EIF3I: variants seen among roughly 807,000 people sequenced by gnomAD.
EIF3I encodes the protein TGF-beta receptor-interacting protein 1.
EIF3I carries 20 observed loss-of-function variants against 43.3 expected under a neutral mutation model. The observed-to-expected ratio is 0.46, with a 90% confidence interval of 0.32 to 0.67. The LOEUF (loss-of-function observed/expected upper bound fraction) is 0.67. EIF3I is among the 30% of genes least tolerant of loss of function. The pLI, the probability that EIF3I is intolerant of heterozygous loss-of-function variation, is 0.03. For missense variants in EIF3I, 279 were observed against 421.4 expected (o/e 0.66, Z 2.96); for synonymous variants, 167 against 151.7 (o/e 1.10, Z -0.74).
At chr1:32,225,743 C>T (rs1639132956) in intron 4 of EIF3I, among the ~76,000 whole-genome samples, 1 of 151,400 alleles carries the variant, frequency 6.6e-6, no homozygotes, top group Non-Finnish European at 1.5e-5. Flanking sequence ...AAAAAAAAGG[C>T]CGGGCGCGGT....
intron 10 of EIF3I, 106 bp from the exon 10 acceptor site, chr1:32,230,821 C>A: frequency 1.2e-6 from 1 of 846,236 alleles, no homozygotes; most frequent in Non-Finnish European, 1.9e-6. Context: ...AAGACTCCAT[C>A]TCAAAATAAA....
At chr1:32,232,991 C>T (rs912858843), downstream of EIF3I, among the ~76,000 whole-genome samples, 17 of 152,004 alleles carry the variant, frequency 1.1e-4, no homozygotes, top group East Asian at 5.8e-4. Context: ...CTTTTATTTA[C>T]TTATTTATTT....
downstream of EIF3I, among the ~76,000 whole-genome samples, chr1:32,233,192 A>T (rs189161216): frequency 7.9e-5 from 12 of 151,744 alleles, no homozygotes; most frequent in Admixed American, 2.6e-4. Flanking sequence ...TCTTGCTCTG[A>T]CACCTAGGCT....
At chr1:32,225,742 G>C (rs1639132932) in intron 4 of EIF3I, among the ~76,000 whole-genome samples, 1 of 151,680 alleles carries the variant, frequency 6.6e-6, no homozygotes, top group African/African-American at 2.4e-5. Flanking sequence ...AAAAAAAAAG[G>C]CCGGGCGCGG....
At chr1:32,229,042 C>A in intron 8 of EIF3I, 93 bp from the exon 9 acceptor site, 1 of 1,349,580 alleles carries the variant, frequency 7.4e-7, no homozygotes, top group Non-Finnish European at 1.0e-6. Context: ...CCCATTGAGC[C>A]GTGTGAGATG....
At chr1:32,232,771 G>A (rs1439366844), downstream of EIF3I, among the ~76,000 whole-genome samples, 1 of 152,082 alleles carries the variant, frequency 6.6e-6, no homozygotes, top group African/African-American at 2.4e-5. Flanking sequence ...GGGAGAGGGA[G>A]GTAAATAGAG....
At chr1:32,224,640 A>G (rs1011375234) in intron 4 of EIF3I, among the ~76,000 whole-genome samples, 165 bp downstream of exon 4, 1 of 151,962 alleles carries the variant, frequency 6.6e-6, no homozygotes. Context: ...ATGGTAGAGG[A>G]AGCATAGATT....
chr1:32,233,636 A>G (rs191694463), downstream of EIF3I, among the ~76,000 whole-genome samples: 705 of 152,222 alleles, frequency 4.6e-3, 5 homozygotes, highest in Admixed American at 0.018. Context: ...TGAGATTGAG[A>G]CTCAGACGGG....
At chr1:32,224,717 C>G (rs1260542238) in intron 4 of EIF3I, among the ~76,000 whole-genome samples, 2 of 149,224 alleles carry the variant, frequency 1.3e-5, no homozygotes, top group Non-Finnish European at 3.0e-5. Context: ...GTCACCCAGG[C>G]TGGAGAGCAA....
At chr1:32,227,171 T>TG (rs1204387558) in intron 6 of EIF3I, among the ~76,000 whole-genome samples, 1 of 148,774 alleles carries the variant, frequency 6.7e-6, no homozygotes, top group Non-Finnish European at 1.5e-5. Context: ...CCAGTGCCTT[T>TG]GGGGGCCAAG....
chr1:32,222,652 T>A (rs757689383), intron 2 of EIF3I, 22 bp downstream of exon 2: 1 of 1,605,128 alleles, frequency 6.2e-7, no homozygotes, highest in Non-Finnish European at 8.5e-7. Context: ...CTGGAGGGGG[T>A]CCGGGAGGGG....
At chr1:32,235,960 G>T (rs1460473177), downstream of EIF3I, among the ~76,000 whole-genome samples, 1 of 152,174 alleles carries the variant, frequency 6.6e-6, no homozygotes, top group Non-Finnish European at 1.5e-5. Flanking sequence ...AAAGCCTTCA[G>T]TGGCTGCCCA....
exon 12 of EIF3I, chr1:32,231,205 A>G (rs1211495610): frequency 6.2e-7 from 1 of 1,613,336 alleles, no homozygotes; most frequent in Non-Finnish European, 8.5e-7. Context: ...AAGAAGCTGG[A>G]TCTCCTGCCG....
At chr1:32,222,913 G>A (rs1310516542) in intron 2 of EIF3I, among the ~76,000 whole-genome samples, 1 of 152,090 alleles carries the variant, frequency 6.6e-6, no homozygotes, top group Non-Finnish European at 1.5e-5. Context: ...CCTGAGCAAC[G>A]TAGTAAGACC....
intron 5 of EIF3I, 30 bp from the exon 6 acceptor site, chr1:32,226,373 C>T: frequency 6.2e-7 from 1 of 1,612,168 alleles, no homozygotes; most frequent in Non-Finnish European, 8.5e-7. Flanking sequence ...GTTCTAGAGC[C>T]CAGGGCCTAA....
exon 6 of EIF3I, chr1:32,226,514 A>C: frequency 6.4e-7 from 1 of 1,566,230 alleles, no homozygotes; most frequent in Non-Finnish European, 8.6e-7. Context: ...GGAGAGCTCA[A>C]CCAGTATAGT....
At chr1:32,224,346 A>G (rs1639106252) in intron 3 of EIF3I, 64 bp from the exon 4 acceptor site, 1 of 1,407,934 alleles carries the variant, frequency 7.1e-7, no homozygotes, top group South Asian at 1.2e-5. Flanking sequence ...GAGATGATTC[A>G]CTTGGCATCC....
chr1:32,227,448 G>A (rs180936250), intron 6 of EIF3I, among the ~76,000 whole-genome samples: 7 of 152,116 alleles, frequency 4.6e-5, no homozygotes, highest in African/African-American at 1.4e-4. Context: ...TCACATGTTT[G>A]AAAAACTTGT....
chr1:32,222,763 G>T (rs1271205447), intron 2 of EIF3I, 133 bp downstream of exon 2: 3 of 873,814 alleles, frequency 3.4e-6, no homozygotes, highest in Non-Finnish European at 3.6e-6. Context: ...GGCCATGCCG[G>T]GGGTAGGTTG....
Sources: allele counts gnomAD v4.1 joint callset (sites outside exome capture counted in the v4.1 genomes callset), GRCh38; gene constraint gnomAD v4.1.1; transcripts MANE v1.5; gene names NCBI Gene and HGNC (gene_info 2026-07-23, HGNC 2026-07-21).